The following DSC1 variants were observed in gnomAD, a reference collection of about 807,000 sequenced individuals.
The protein encoded by DSC1 is desmocollin 1, also known as desmocollin-1.
A neutral mutation model predicts 98.8 loss-of-function variants in DSC1; 79 were observed. That is an observed-to-expected ratio of 0.80 (90% confidence interval 0.67 to 0.96). The LOEUF is 0.96. DSC1 is among the 50% of genes least tolerant of loss of function. DSC1 has a pLI of 0.00. For synonymous variants in DSC1, 405 were observed against 372.1 expected (o/e 1.09, Z -1.02); for missense variants, 1,115 against 1,075.9 (o/e 1.04, Z -0.51).
intron 12 of DSC1, 24 bp downstream of exon 12, chr18:31,134,548 A>G: frequency 1.3e-6 from 2 of 1,564,970 alleles, no homozygotes; most frequent in South Asian, 1.2e-5. Flanking sequence ...CGTATTGACT[A>G]TAAAATTTAG....
rs1424879843 is a variant in DSC1 at position 31,133,895 on chromosome 18, TAAC to T, written c.2109_2111del (p.Leu705del). 1 of 1,611,076 alleles carries T rather than the reference TAAC, an allele frequency of 6.2e-7. No individual in the cohort carries two copies. The highest frequency in any genetic ancestry group is 1.3e-5 in the African/African-American group (1 of 74,814). ...AATGATACTTAATATACTTACATAA[TAAC>T]AATACAGAACCCAACACCATAGCAA... On this transcript the variant is annotated inframe_deletion, in exon 13 of 16. Coordinates refer to ENST00000257198, the MANE Select transcript of DSC1 (RefSeq NM_024421.2).
At chr18:31,157,915 A>G (rs1303656747) in intron 2 of DSC1, among the ~76,000 whole-genome samples, 2 of 152,212 alleles carry the variant, frequency 1.3e-5, no homozygotes, top group Non-Finnish European at 1.5e-5. Context: ...CATAAGTGGT[A>G]TAACCGTATG....
At position 31,157,400 on chromosome 18, in the gene DSC1, T is replaced by C; in HGVS notation, c.322A>G (p.Lys108Glu). 6.2e-7 allele frequency: 1 copy of C among 1,614,218 alleles called. No homozygotes were observed. Among genetic ancestry groups the C allele is most frequent in the South Asian group, 1.1e-5 (1 of 91,086 alleles). Residue 108 changes from lysine (K) to glutamate (E), a missense_variant, in exon 3 of 16, where the codon AAA becomes GAA. Coordinates refer to ENST00000257198, the MANE Select transcript of DSC1 (RefSeq NM_024421.2). ...TTTTCTCTTGCTGACAGTACAACTT[T>C]TATCTCTTGTTGTTCCCGTCTCTGA... is the stretch of plus-strand genomic sequence containing the variant. ...DGQRREQQEI[K>E]VVLSARENKS... is the part of the protein sequence containing the mutation.
At chr18:31,148,777 A>G (rs925430232) in intron 5 of DSC1, 135 bp from the exon 6 acceptor site, 10 of 814,774 alleles carry the variant, frequency 1.2e-5, no homozygotes, top group South Asian at 2.5e-5. Flanking sequence ...AAATGATGCA[A>G]TAGAGAGATA....
chr18:31,148,650 A>T lies in DSC1; in HGVS notation c.628-8T>A. 1.3e-6 allele frequency: 2 copies of T among 1,567,328 alleles called. No individual in the cohort carries two copies. The highest frequency in any genetic ancestry group is 4.5e-5 in the East Asian group (2 of 44,116). ...TGTTGCATAGCCATATAACTGAAAGAAGGGAAAATACCATCAATGTATTCT... is the reference window on the plus strand; with the variant it reads ...TGTTGCATAGCCATATAACTGAAAGTAGGGAAAATACCATCAATGTATTCT... On this transcript the variant is annotated splice_region_variant and splice_polypyrimidine_tract_variant and intron_variant, in intron 5 of 15. Coordinates refer to ENST00000257198, the MANE Select transcript of DSC1 (RefSeq NM_024421.2).
At chr18:31,155,901 G>A in intron 4 of DSC1, 142 bp downstream of exon 4, 1 of 833,764 alleles carries the variant, frequency 1.2e-6, no homozygotes, top group Non-Finnish European at 1.8e-6. Context: ...CACTTCTATG[G>A]GACCCTAGTT....
intron 6 of DSC1, 73 bp from the exon 7 acceptor site, chr18:31,145,850 G>A: frequency 1.3e-6 from 2 of 1,500,808 alleles, no homozygotes; most frequent in Non-Finnish European, 1.8e-6. Flanking sequence ...TAAAATCAAG[G>A]CATTGCTGTA....
chr18:31,131,931 T>G, intron 14 of DSC1, 89 bp from the exon 15 acceptor site: 1 of 1,399,908 alleles, frequency 7.1e-7, no homozygotes, highest in Non-Finnish European at 9.8e-7. Flanking sequence ...GCAAATCACT[T>G]GCCTGCTGTG....
rs1484488044 is a variant in DSC1, at chr18:31,130,179, A to G, written c.*335T>C. On this transcript the variant is annotated 3_prime_UTR_variant, in exon 16 of 16. Coordinates refer to ENST00000257198, the MANE Select transcript of DSC1 (RefSeq NM_024421.2). ...GCAAATTCATCTTTCATTGGCCTCT[A>G]TAATACCCAGCTTTCCCAAATGCTC... 1 of 232,408 alleles carries G rather than the reference A, an allele frequency of 4.3e-6. No homozygotes were observed. The highest frequency in any genetic ancestry group is 9.5e-5 in the East Asian group (1 of 10,486). 14.4% of individuals were successfully genotyped at this position (232,408 alleles called of 1,614,324 possible).
chr18:31,160,442 T>C (rs1261019446), intron 1 of DSC1, among the ~76,000 whole-genome samples: 2 of 152,146 alleles, frequency 1.3e-5, no homozygotes, highest in Non-Finnish European at 2.9e-5. Context: ...ACGGGACCCA[T>C]TACTTGCGAG....
At chr18:31,134,819 T>A in intron 11 of DSC1, 35 bp from the exon 12 acceptor site, 4 of 1,554,126 alleles carry the variant, frequency 2.6e-6, no homozygotes, top group Non-Finnish European at 3.5e-6. Context: ...TTTCTTCACA[T>A]GAAAATGCAT....
At chr18:31,147,221 G>A (rs980834383) in intron 6 of DSC1, among the ~76,000 whole-genome samples, 1 of 151,680 alleles carries the variant, frequency 6.6e-6, no homozygotes, top group African/African-American at 2.4e-5. Flanking sequence ...TTATCAGATC[G>A]ATATTTCCAT....
intron 5 of DSC1, among the ~76,000 whole-genome samples, chr18:31,149,612 T>C (rs1316249042): frequency 6.6e-6 from 1 of 152,222 alleles, no homozygotes; most frequent in Non-Finnish European, 1.5e-5. Flanking sequence ...CCTGTTCTAA[T>C]CGATGTGGCC....
At chr18:31,152,054 C>A (rs1172623653) in intron 5 of DSC1, among the ~76,000 whole-genome samples, 1 of 151,678 alleles carries the variant, frequency 6.6e-6, no homozygotes, top group Non-Finnish European at 1.5e-5. Context: ...CCCAGCTACT[C>A]GGGAGGTTGA....
intron 1 of DSC1, among the ~76,000 whole-genome samples, chr18:31,161,211 C>T (rs1325152167): frequency 2.0e-5 from 3 of 151,940 alleles, no homozygotes; most frequent in Admixed American, 6.6e-5. Context: ...AGAAAAAGTA[C>T]ATTAAAATAC....
At chr18:31,140,528 G>A (rs1988711785) in intron 9 of DSC1, among the ~76,000 whole-genome samples, 2 of 151,874 alleles carry the variant, frequency 1.3e-5, no homozygotes, top group African/African-American at 4.8e-5. Context: ...TTTTTCTTTT[G>A]GAAGATCTTG....
intron 10 of DSC1, 58 bp downstream of exon 10, chr18:31,139,984 C>T: frequency 6.4e-7 from 1 of 1,571,746 alleles, no homozygotes; most frequent in Non-Finnish European, 8.6e-7. Flanking sequence ...ACATTCATAA[C>T]TTTAAAAACA....
In DSC1 at chr18:31,159,114, C is replaced by A. The variant is rs1989159865; in HGVS notation, c.148+331G>T. Among the ~76,000 whole-genome samples, 2 of 80,292 alleles carry A rather than the reference C, an allele frequency of 2.5e-5. 1 individual carries two copies. Among genetic ancestry groups the A allele is most frequent in the Non-Finnish European group, 5.0e-5 (2 of 40,226 alleles). 52.7% of individuals were successfully genotyped at this position (80,292 alleles called of 152,430 possible). A position where few individuals can be genotyped will look rare whatever the true frequency, so the allele number is the denominator to read the frequency against. ...CAGGCCGGACTGCGGACTGCAGTGG[C>A]GCAATCTCGGCTCACTGCAAGCTCC... On this transcript the variant is annotated intron_variant, in intron 2 of 15. Coordinates refer to ENST00000257198, the MANE Select transcript of DSC1 (RefSeq NM_024421.2).
Position 31,131,792 on chromosome 18 carries a change from G to A in DSC1, c.2289C>T (p.Ser763=). Residue 763 remains serine, a synonymous_variant, in exon 15 of 16, where the codon AGC becomes AGT. Transcript: ENST00000257198. ...PMQTSNICDT[S]MSVGTVGGQG... is the part of the protein sequence containing the mutation. ...GGCCACCAACAGTACCAACAGACAT[G>A]CTTGTGTCACAAATGTTGGATGTCT... The A allele has an allele frequency of 6.2e-7, 1 of 1,614,082 alleles. No homozygotes were observed. Among genetic ancestry groups the A allele is most frequent in the African/African-American group, 1.3e-5 (1 of 75,036 alleles).
Sources: allele counts gnomAD v4.1 joint callset (sites outside exome capture counted in the v4.1 genomes callset), GRCh38; gene constraint gnomAD v4.1.1; transcripts MANE v1.5; gene names NCBI Gene and HGNC (gene_info 2026-07-23, HGNC 2026-07-21).